Variants in GTF2F2 observed in about 807,000 individuals in gnomAD.
The protein encoded by GTF2F2 is ATP-dependent helicase GTF2F2.
Under a neutral mutation model 42.2 loss-of-function variants are expected in GTF2F2, and 23 were observed. That is an observed-to-expected ratio of 0.55 (90% CI 0.39 to 0.77). The LOEUF is 0.77. Ranked by LOEUF, GTF2F2 falls within the 30% of genes least tolerant of loss-of-function variation. GTF2F2 has a pLI of 0.00. For synonymous variants in GTF2F2, 105 were observed against 100.8 expected, an observed-to-expected ratio of 1.04 and a Z score of -0.25; for missense variants, 261 against 287.2, an observed-to-expected ratio of 0.91 and a Z score of 0.66.
intron 4 of GTF2F2, among the ~76,000 whole-genome samples, chr13:45,198,735 G>A (rs1873029568): frequency 6.6e-6 from 1 of 150,736 alleles, no homozygotes; most frequent in Admixed American, 6.6e-5. Flanking sequence ...TCTGTGTTTT[G>A]ACCTTCCTCT....
chr13:45,165,331 A>ATATATAT (rs761914958), intron 4 of GTF2F2, among the ~76,000 whole-genome samples: 2 of 136,914 alleles, frequency 1.5e-5, no homozygotes, highest in South Asian at 2.3e-4. Flanking sequence ...ATATATATAT[A>ATATATAT]TTTTTTTTTT....
intron 4 of GTF2F2, among the ~76,000 whole-genome samples, chr13:45,184,972 C>T (rs1208004707): frequency 6.6e-6 from 1 of 152,028 alleles, no homozygotes; most frequent in Non-Finnish European, 1.5e-5. Flanking sequence ...CCACCACGCC[C>T]AACTGTTTTT....
chr13:45,135,932 A>C (rs1004733698), intron 1 of GTF2F2, among the ~76,000 whole-genome samples: 1 of 152,254 alleles, frequency 6.6e-6, no homozygotes, highest in Non-Finnish European at 1.5e-5. Context: ...GAAATGAGAT[A>C]AGGTATATAG....
chr13:45,191,224 A>AAAAAATATATATATATAT, intron 4 of GTF2F2, among the ~76,000 whole-genome samples: 13 of 75,304 alleles, frequency 1.7e-4, no homozygotes, highest in African/African-American at 5.0e-4. Flanking sequence ...ACAAAAAAAA[A>AAAAAATATATATATATAT]ATATATATAT....
At chr13:45,281,324 C>T (rs1180558953) in intron 7 of GTF2F2, among the ~76,000 whole-genome samples, 1 of 152,154 alleles carries the variant, frequency 6.6e-6, no homozygotes, top group Admixed American at 6.6e-5. Flanking sequence ...TGTATACTTC[C>T]AGTACTAATC....
intron 5 of GTF2F2, among the ~76,000 whole-genome samples, chr13:45,231,126 G>A (rs1158459010): frequency 2.0e-5 from 3 of 150,196 alleles, no homozygotes; most frequent in African/African-American, 7.4e-5. Context: ...TATTAATTTT[G>A]AGACGGAGTC....
chr13:45,267,528 T>G, intron 7 of GTF2F2, 152 bp downstream of exon 7: 1 of 518,528 alleles, frequency 1.9e-6, no homozygotes. Flanking sequence ...AATGCAGCCA[T>G]TTTTGGTAAC....
intron 1 of GTF2F2, among the ~76,000 whole-genome samples, chr13:45,126,849 G>A (rs919399347): frequency 1.3e-5 from 2 of 152,210 alleles, no homozygotes; most frequent in Non-Finnish European, 2.9e-5. Context: ...AGGTTTCCTT[G>A]AGGAAATAAT....
At chr13:45,282,416 A>G (rs978371727) in intron 7 of GTF2F2, among the ~76,000 whole-genome samples, 1 of 152,200 alleles carries the variant, frequency 6.6e-6, no homozygotes, top group Non-Finnish European at 1.5e-5. Context: ...AGGGACCTAA[A>G]ACACCATAAT....
chr13:45,253,026 C>A (rs1020137345), intron 6 of GTF2F2, 56 bp downstream of exon 6: 1 of 764,104 alleles, frequency 1.3e-6, no homozygotes, highest in Non-Finnish European at 2.1e-6. Context: ...TTTTCTGTAT[C>A]ATAGAGTCTT....
At chr13:45,124,162 A>C (rs1230544961) in intron 1 of GTF2F2, 2 of 544,672 alleles carry the variant, frequency 3.7e-6, no homozygotes, top group Non-Finnish European at 7.0e-6. Flanking sequence ...GGCTCACTGC[A>C]AGCTCCACCT....
intron 1 of GTF2F2, among the ~76,000 whole-genome samples, chr13:45,125,755 A>G (rs1868963003): frequency 1.3e-5 from 2 of 152,144 alleles, no homozygotes; most frequent in African/African-American, 4.8e-5. Flanking sequence ...GCTGCATGTC[A>G]TAGATTGGGT....
intron 5 of GTF2F2, among the ~76,000 whole-genome samples, chr13:45,241,275 A>T (rs1192497063): frequency 2.0e-5 from 3 of 151,922 alleles, no homozygotes; most frequent in African/African-American, 4.8e-5. Context: ...GGTGATAAAC[A>T]GCTAGAGCTG....
chr13:45,276,020 TATATA>T (rs1262284509), intron 7 of GTF2F2, among the ~76,000 whole-genome samples: 1 of 152,214 alleles, frequency 6.6e-6, no homozygotes, highest in African/African-American at 2.4e-5. Context: ...TTAGATTACT[TATATA>T]ATATAATGTA....
At chr13:45,271,317 G>A (rs1457148884) in intron 7 of GTF2F2, among the ~76,000 whole-genome samples, 1 of 151,638 alleles carries the variant, frequency 6.6e-6, no homozygotes, top group East Asian at 1.9e-4. Flanking sequence ...ATTATAACTG[G>A]ACCTCTTAAT....
chr13:45,159,112 T>C (rs1256451404), intron 4 of GTF2F2, among the ~76,000 whole-genome samples: 1 of 152,252 alleles, frequency 6.6e-6, no homozygotes, highest in Admixed American at 6.5e-5. Context: ...TTAGCCACTC[T>C]ACATATTGTC....
intron 4 of GTF2F2, chr13:45,192,999 C>A: frequency 6.6e-6 from 1 of 152,228 alleles, no homozygotes; most frequent in Non-Finnish European, 1.5e-5. Context: ...TGTAGCCTGC[C>A]GGTTGACATC....
chr13:45,192,428 A>G (rs1467723723), intron 4 of GTF2F2, among the ~76,000 whole-genome samples: 1 of 152,162 alleles, frequency 6.6e-6, no homozygotes, highest in Non-Finnish European at 1.5e-5. Flanking sequence ...TTTATGAGTC[A>G]TCAAACTTTT....
At chr13:45,207,649 T>A in intron 5 of GTF2F2, 144 bp downstream of exon 5, 1 of 564,132 alleles carries the variant, frequency 1.8e-6, no homozygotes, top group Non-Finnish European at 3.2e-6. Flanking sequence ...TAAAAGCAAG[T>A]AAGAGTTTCT....
Sources: gnomAD v4.1 joint callset for allele counts (sites outside exome capture counted in the v4.1 genomes callset) on GRCh38, gnomAD v4.1.1 for gene constraint, MANE v1.5 for transcripts, NCBI Gene and HGNC (gene_info 2026-07-23, HGNC 2026-07-21) for gene names.